Variants in PDE8B observed in about 807,000 individuals in gnomAD.
PDE8B encodes phosphodiesterase 8B.
Under a neutral mutation model 101.3 loss-of-function variants are expected in PDE8B, and 26 were observed. The ratio of observed to expected loss-of-function variants is 0.26; its 90% CI spans 0.19 to 0.36. PDE8B has a LOEUF of 0.36. Among genes scored for constraint, PDE8B ranks in the 10% least tolerant of loss-of-function variants. The probability of loss-of-function intolerance (pLI) is 1.00; values close to 1 mark genes in which losing one functional copy is unlikely to be tolerated. For synonymous variants in PDE8B, 424 were observed against 429.3 expected, an observed-to-expected ratio of 0.99 and a Z score of 0.15; for missense variants, 810 against 1,163.1, an observed-to-expected ratio of 0.70 and a Z score of 4.42.
intron 1 of PDE8B, among the ~76,000 whole-genome samples, chr5:77,302,932 G>A (rs1770306342): frequency 6.6e-6 from 1 of 152,118 alleles, no homozygotes; most frequent in Admixed American, 6.5e-5. Context: ...TCTTGAGCAA[G>A]GTCCCCTGAG....
chr5:77,220,973 T>G (rs1314452013), intron 1 of PDE8B, among the ~76,000 whole-genome samples: 1 of 152,242 alleles, frequency 6.6e-6, no homozygotes, highest in Non-Finnish European at 1.5e-5. Flanking sequence ...TCAACCGTCC[T>G]GTTTTCACTG....
At chr5:77,148,617 C>A in the PDE8B span, 1 of 152,144 alleles carries the variant, frequency 6.6e-6, no homozygotes, top group African/African-American at 2.4e-5. Flanking sequence ...ATTTGTGTCT[C>A]CCTAATGACT....
At chr5:77,090,274 C>G in the PDE8B span, among the ~76,000 whole-genome samples, 6 of 152,096 alleles carry the variant, frequency 3.9e-5, no homozygotes, top group Admixed American at 2.6e-4. Context: ...GAGTCTTGCT[C>G]TGTCGCCCAG....
chr5:77,212,515 T>C (rs1312883540), intron 1 of PDE8B, among the ~76,000 whole-genome samples: 4 of 152,196 alleles, frequency 2.6e-5, no homozygotes, highest in Admixed American at 2.6e-4. Context: ...GTGGTTGCAG[T>C]GTTTCTCTGG....
the PDE8B span, among the ~76,000 whole-genome samples, chr5:77,124,596 A>G: frequency 6.8e-6 from 1 of 147,166 alleles, no homozygotes; most frequent in African/African-American, 2.7e-5. Flanking sequence ...AAAAAAAAAA[A>G]AAGAAAGAAA....
In PDE8B at chr5:77,396,058, G is replaced by A. The variant is rs111375094; in HGVS notation, c.1168-4190G>A. On this transcript the variant is annotated intron_variant, in intron 10 of 21. Coordinates refer to ENST00000264917, the MANE Select transcript of PDE8B (RefSeq NM_003719.5). ...GGGGATCGTGCATCAACCCAAACAT[G>A]TTTTACCACTCTGCAGCATTTAAAA... 4.4e-3 allele frequency among the ~76,000 whole-genome samples: 666 copies of A among 152,316 alleles called. 2 individuals carry two copies. The highest frequency in any genetic ancestry group is 0.015 in the African/African-American group (610 of 41,560).
chr5:77,384,027 A>G (rs184370450), intron 10 of PDE8B, among the ~76,000 whole-genome samples: 6 of 152,258 alleles, frequency 3.9e-5, no homozygotes, highest in East Asian at 1.9e-4. Flanking sequence ...AAGAAAGTCA[A>G]TGGTAGCTTG....
At chr5:77,205,943 A>C (rs1747467103), upstream of PDE8B, among the ~76,000 whole-genome samples, 1 of 152,152 alleles carries the variant, frequency 6.6e-6, no homozygotes, top group East Asian at 1.9e-4. Flanking sequence ...ATTGCTACCA[A>C]CAACTTTGTA....
At chr5:77,097,699 A>ATC in the PDE8B span, among the ~76,000 whole-genome samples, 1 of 18,324 alleles carries the variant, frequency 5.5e-5, no homozygotes, top group South Asian at 1.6e-3. Context: ...ATATCTATAT[A>ATC]TATATATCTA....
At chr5:77,150,868 T>C in the PDE8B span, among the ~76,000 whole-genome samples, 2 of 152,154 alleles carry the variant, frequency 1.3e-5, no homozygotes, top group African/African-American at 4.8e-5. Flanking sequence ...TTTGCCAAGG[T>C]CCAAAGCTAA....
intron 1 of PDE8B, among the ~76,000 whole-genome samples, chr5:77,274,298 A>G (rs1763397893): frequency 6.6e-6 from 1 of 152,196 alleles, no homozygotes; most frequent in Admixed American, 6.5e-5. Flanking sequence ...TCAGGAAGTT[A>G]ATCATTTTGC....
At chr5:77,366,008 C>A (rs771655266) in intron 10 of PDE8B, among the ~76,000 whole-genome samples, 9 of 152,172 alleles carry the variant, frequency 5.9e-5, no homozygotes, top group Non-Finnish European at 1.0e-4. Flanking sequence ...AACAAAAATT[C>A]ATTCCACAGT....
chr5:77,414,624 G>T (rs1218738022), intron 17 of PDE8B, among the ~76,000 whole-genome samples: 1 of 151,182 alleles, frequency 6.6e-6, no homozygotes, highest in Non-Finnish European at 1.5e-5. Flanking sequence ...TAGAGACAGG[G>T]TTTCACCATG....
chr5:77,220,795 T>G (rs754501168), intron 1 of PDE8B, among the ~76,000 whole-genome samples: 1 of 152,148 alleles, frequency 6.6e-6, no homozygotes, highest in Non-Finnish European at 1.5e-5. Context: ...GGAGAATTCG[T>G]GAAGTTCCTT....
At chr5:77,347,924 T>A (rs949674791) in intron 7 of PDE8B, among the ~76,000 whole-genome samples, 2 of 152,168 alleles carry the variant, frequency 1.3e-5, no homozygotes, top group African/African-American at 2.4e-5. Flanking sequence ...GGGGCTACGC[T>A]GTAAGTGATG....
chr5:77,100,006 A>G, the PDE8B span, among the ~76,000 whole-genome samples: 4 of 152,362 alleles, frequency 2.6e-5, no homozygotes, highest in South Asian at 4.1e-4. Flanking sequence ...AAGGCATTTG[A>G]TACTGATTTC....
intron 1 of PDE8B, among the ~76,000 whole-genome samples, chr5:77,310,132 G>A (rs1046389449): frequency 1.2e-4 from 18 of 151,780 alleles, no homozygotes; most frequent in Admixed American, 5.9e-4. Context: ...TGTATTTTTA[G>A]TAGAGATGGG....
Position 77,211,627 on chromosome 5 carries a change from T to C in PDE8B, c.339+363T>C, listed in dbSNP as rs2149376519. Among the ~76,000 whole-genome samples the C allele has an allele frequency of 1.3e-5, 2 of 152,290 alleles. No homozygotes were observed. Among genetic ancestry groups the C allele is most frequent in the African/African-American group, 4.8e-5 (2 of 41,560 alleles). On this transcript the variant is annotated intron_variant, in intron 1 of 21. Coordinates refer to ENST00000264917, the MANE Select transcript of PDE8B (RefSeq NM_003719.5). This position sits in a 1 kb window ranked among gnomAD's most constrained non-coding sequence, Gnocchi z 4.1. ...TGAGAGCATTCGGTGGCCAGTCCTG[T>C]TGAATGAAATCTGAGCACTGAGCTG...
intron 20 of PDE8B, among the ~76,000 whole-genome samples, chr5:77,422,896 G>T (rs368977242): frequency 6.6e-6 from 1 of 152,188 alleles, no homozygotes; most frequent in African/African-American, 2.4e-5. Flanking sequence ...AGATTTGGGG[G>T]TACATGTGCA....
Sources: allele counts gnomAD v4.1 joint callset (sites outside exome capture counted in the v4.1 genomes callset), GRCh38; gene constraint gnomAD v4.1.1; non-coding constraint Gnocchi (gnomAD v3.1); transcripts MANE v1.5; gene names NCBI Gene and HGNC (gene_info 2026-07-23, HGNC 2026-07-21).